PITPNC1: variants seen among roughly 807,000 people sequenced by gnomAD.
PITPNC1 encodes cytoplasmic phosphatidylinositol transfer protein 1.
In PITPNC1, 18 loss-of-function variants were observed where a neutral mutation model predicts 44.7. The observed-to-expected ratio is 0.40, with a 90% CI of 0.28 to 0.60. The LOEUF (loss-of-function observed/expected upper bound fraction) is 0.60. Among genes scored for constraint, PITPNC1 ranks in the 20% least tolerant of loss-of-function variants. The pLI is 0.39. For missense variants in PITPNC1, 290 were observed against 418.4 expected, an observed-to-expected ratio of 0.69 and a Z score of 2.68; for synonymous variants, 141 against 149.6, an observed-to-expected ratio of 0.94 and a Z score of 0.42.
chr17:67,392,789 G>A lies in PITPNC1; in HGVS notation c.48+14587G>A, dbSNP rs533375776. 3.9e-5 allele frequency among the ~76,000 whole-genome samples: 6 copies of A among 152,044 alleles called. No individual in the cohort carries two copies. In the South Asian group the frequency reaches 6.2e-4, roughly 16 times the overall value. ...GCACTTCACTGGATGTGTATATCCT[G>A]GTGAGTTTTTTATTAATGTTTATTG... On this transcript the variant is annotated intron_variant, in intron 1 of 8. Coordinates refer to ENST00000581322, the MANE Select transcript of PITPNC1 (RefSeq NM_012417.4).
intron 5 of PITPNC1, among the ~76,000 whole-genome samples, chr17:67,623,109 C>CAAAAAAA (rs1198070826): frequency 4.7e-5 from 4 of 85,286 alleles, no homozygotes; most frequent in East Asian, 4.0e-4. Flanking sequence ...TCCCAAAAGC[C>CAAAAAAA]AAAAAAAAAA....
intron 1 of PITPNC1, among the ~76,000 whole-genome samples, chr17:67,420,494 G>T (rs1165193120): frequency 6.7e-6 from 1 of 149,440 alleles, no homozygotes; most frequent in Non-Finnish European, 1.5e-5. Context: ...GCTCGGTGGC[G>T]CTATCTCGGC....
chr17:67,389,276 GTC>G (rs1464022662), intron 1 of PITPNC1, among the ~76,000 whole-genome samples: 104 of 152,376 alleles, frequency 6.8e-4, no homozygotes, highest in African/African-American at 2.3e-3. Flanking sequence ...CCGACTTGCT[GTC>G]TCTGACTTCT....
At chr17:67,569,509 G>A (rs1372587864) in intron 4 of PITPNC1, among the ~76,000 whole-genome samples, 1 of 152,146 alleles carries the variant, frequency 6.6e-6, no homozygotes, top group Non-Finnish European at 1.5e-5. Context: ...TCACTTTTCT[G>A]CACATTGAGT....
intron 1 of PITPNC1, among the ~76,000 whole-genome samples, chr17:67,426,399 A>G (rs974602083): frequency 1.3e-5 from 2 of 152,238 alleles, no homozygotes; most frequent in Non-Finnish European, 1.5e-5. Flanking sequence ...AAAATGTGGT[A>G]CATATACACC....
chr17:67,618,951 C>T (rs911366630), intron 5 of PITPNC1, among the ~76,000 whole-genome samples: 6 of 151,424 alleles, frequency 4.0e-5, no homozygotes, highest in African/African-American at 7.3e-5. Context: ...CCCAGCTACT[C>T]GGGAGGCTGA....
intron 1 of PITPNC1, among the ~76,000 whole-genome samples, chr17:67,387,428 T>G (rs1241545529): frequency 1.3e-5 from 2 of 152,060 alleles, no homozygotes; most frequent in Admixed American, 6.6e-5. Flanking sequence ...CACTTTGGGG[T>G]GCCGAGGCAG....
At chr17:67,633,621 T>C (rs2041996679) in intron 6 of PITPNC1, among the ~76,000 whole-genome samples, 2 of 152,230 alleles carry the variant, frequency 1.3e-5, no homozygotes, top group Non-Finnish European at 2.9e-5. Context: ...ATAAAGAAAG[T>C]TAAACGCTCC....
chr17:67,437,538 C>A (rs1472543753), intron 1 of PITPNC1, among the ~76,000 whole-genome samples: 1 of 152,114 alleles, frequency 6.6e-6, no homozygotes, highest in African/African-American at 2.4e-5. Context: ...TTGCTTTAGG[C>A]ACTTGGTGAT....
intron 1 of PITPNC1, among the ~76,000 whole-genome samples, chr17:67,410,537 C>T (rs535941515): frequency 3.0e-4 from 45 of 152,106 alleles, no homozygotes; most frequent in Admixed American, 2.8e-3. Flanking sequence ...GTGTGCACTG[C>T]CATGCCCAGC....
intron 1 of PITPNC1, among the ~76,000 whole-genome samples, chr17:67,499,056 CA>C (rs1390310262): frequency 6.6e-6 from 1 of 151,530 alleles, no homozygotes; most frequent in Non-Finnish European, 1.5e-5. Context: ...GTATTTTTAA[CA>C]GAGACAGAGT....
chr17:67,577,515 C>T (rs954483902), intron 4 of PITPNC1, among the ~76,000 whole-genome samples: 6 of 148,832 alleles, frequency 4.0e-5, no homozygotes, highest in Admixed American at 1.3e-4. Context: ...GAGCCGAGAC[C>T]ACACCACTGC....
intron 6 of PITPNC1, among the ~76,000 whole-genome samples, chr17:67,660,963 A>G (rs1377039292): frequency 6.6e-6 from 1 of 151,186 alleles, no homozygotes; most frequent in African/African-American, 2.4e-5. Context: ...GGTTCAAGCA[A>G]TTCTCTTCCC....
At chr17:67,410,443 G>C (rs1159808104) in intron 1 of PITPNC1, among the ~76,000 whole-genome samples, 3 of 152,110 alleles carry the variant, frequency 2.0e-5, no homozygotes, top group African/African-American at 7.2e-5. Context: ...CGGTGCAGTG[G>C]CGCAATCACA....
Position 67,652,655 on chromosome 17 carries a change from C to T in PITPNC1, c.463-16853C>T, listed in dbSNP as rs945938934. Among the ~76,000 whole-genome samples the T allele has an allele frequency of 3.3e-5, 5 of 152,196 alleles. 1 individual carries two copies. The highest frequency in any genetic ancestry group is 1.9e-4 in the East Asian group (1 of 5,192). On this transcript the variant is annotated intron_variant, in intron 6 of 8. Coordinates refer to ENST00000581322, the MANE Select transcript of PITPNC1 (RefSeq NM_012417.4). Reference sequence around the variant, plus strand: ...CACGCGTTCCCCACCAGCCAGCTGCCGGGCCGAGAGGAGCTGGGCAGGGCC... The same window carrying T: ...CACGCGTTCCCCACCAGCCAGCTGCTGGGCCGAGAGGAGCTGGGCAGGGCC...
chr17:67,478,889 T>G (rs2916124), intron 1 of PITPNC1, among the ~76,000 whole-genome samples: 61,273 of 142,532 alleles, frequency 0.43, 12,609 homozygotes, highest in African/African-American at 0.49. Context: ...CTTCAATCTT[T>G]TTTTTTTTTT....
At chr17:67,654,921 C>T (rs886826692) in intron 6 of PITPNC1, among the ~76,000 whole-genome samples, 3 of 152,124 alleles carry the variant, frequency 2.0e-5, no homozygotes, top group African/African-American at 7.2e-5. Context: ...GCATGAGCCA[C>T]CACGCCTGGC....
chr17:67,451,138 TCTC>T (rs1364666902), intron 1 of PITPNC1, among the ~76,000 whole-genome samples: 4 of 151,792 alleles, frequency 2.6e-5, no homozygotes, highest in African/African-American at 9.7e-5. Flanking sequence ...TTCAAGCAAT[TCTC>T]CTGCCTCAGC....
At chr17:67,426,676 A>T (rs1437020593) in intron 1 of PITPNC1, among the ~76,000 whole-genome samples, 1 of 152,184 alleles carries the variant, frequency 6.6e-6, no homozygotes, top group Admixed American at 6.6e-5. Flanking sequence ...CATGGCACAC[A>T]TATACCTATG....
Sources: allele counts gnomAD v4.1 joint callset (sites outside exome capture counted in the v4.1 genomes callset), GRCh38; gene constraint gnomAD v4.1.1; transcripts MANE v1.5; gene names NCBI Gene and HGNC (gene_info 2026-07-23, HGNC 2026-07-21).